The following ALDH7A1 variants were observed in gnomAD, a reference collection of about 807,000 sequenced individuals.
ALDH7A1 encodes aldehyde dehydrogenase 7 family member A1, also known as alpha-aminoadipic semialdehyde dehydrogenase.
A neutral mutation model predicts 79.9 loss-of-function variants in ALDH7A1; 63 were observed. That is an observed-to-expected ratio of 0.79 (90% CI 0.64 to 0.97). The LOEUF (loss-of-function observed/expected upper bound fraction) is 0.97, where lower values mean the gene tolerates loss of function less well. Among genes scored for constraint, ALDH7A1 ranks in the 50% least tolerant of loss-of-function variants. The pLI is 0.00. For synonymous variants in ALDH7A1, 240 were observed against 231.2 expected (o/e 1.04, Z -0.34); for missense variants, 627 against 665.2 (o/e 0.94, Z 0.63).
At chr5:126,575,771 C>G (rs541372209) in intron 6 of ALDH7A1, among the ~76,000 whole-genome samples, 82 of 152,338 alleles carry the variant, frequency 5.4e-4, no homozygotes, top group African/African-American at 1.9e-3. Flanking sequence ...AAGCAGAAAT[C>G]TACCAACGTG....
At position 126,556,881 on chromosome 5, in the gene ALDH7A1, C is replaced by G. The variant is rs377411935; in HGVS notation, c.1009-866G>C. ...GATGAATGAATTGACATTATGAGAACTAGTCATGAAGCAGTCCATAGTAAT... is the reference window on the plus strand; with the variant it reads ...GATGAATGAATTGACATTATGAGAAGTAGTCATGAAGCAGTCCATAGTAAT... On this transcript the variant is annotated intron_variant, in intron 11 of 17. Transcript: ENST00000409134. 5.3e-5 allele frequency among the ~76,000 whole-genome samples: 8 copies of G among 152,282 alleles called. No individual in the cohort carries two copies. The East Asian group carries it at 1.3e-3, about 26-fold the overall frequency.
chr5:126,562,960 G>C lies in ALDH7A1; in HGVS notation c.872-1836C>G, dbSNP rs140118047. On this transcript the variant is annotated intron_variant, in intron 9 of 17. Coordinates refer to ENST00000409134, the MANE Select transcript of ALDH7A1 (RefSeq NM_001182.5). ...TCAATGAAACAGAAAGAAGTAGAAG[G>C]GTGGCTACCAAGGCTGGGTGTAGTG... Among the ~76,000 whole-genome samples the C allele has an allele frequency of 4.1e-4, 63 of 152,248 alleles. 1 individual carries two copies. The highest frequency in any genetic ancestry group is 6.8e-3 in the Middle Eastern group (2 of 294).
rs570858115 is a variant in ALDH7A1 at position 126,560,981 on chromosome 5, T to C, written c.913+102A>G. The C allele has an allele frequency of 4.8e-5, 63 of 1,324,756 alleles. No homozygotes were observed. The African/African-American group carries it at 7.1e-4, about 15-fold the overall frequency. 82.1% of individuals were successfully genotyped at this position (1,324,756 alleles called of 1,614,324 possible). A position where few individuals can be genotyped will look rare whatever the true frequency, so the allele number is the denominator to read the frequency against. On this transcript the variant is annotated intron_variant, in intron 10 of 17. Transcript: ENST00000409134. ...ACACAGGAACTAGGTCTCAGGCATATGCAACATGGACGAAATGAGATCCCA... is the reference window on the plus strand; with the variant it reads ...ACACAGGAACTAGGTCTCAGGCATACGCAACATGGACGAAATGAGATCCCA...
rs6898845 is a variant in ALDH7A1 at position 126,546,682 on chromosome 5, G to A, written c.1490-283C>T. 0.02 allele frequency among the ~76,000 whole-genome samples: 3,043 copies of A among 151,618 alleles called. 117 individuals carry two copies. The highest frequency in any genetic ancestry group is 0.07 in the African/African-American group (2,905 of 41,312). On this transcript the variant is annotated intron_variant, in intron 16 of 17. Transcript: ENST00000409134. ...AAAAAAAAAATCCCATTAGCTGGGC[G>A]TGGTGGTGCATGCCTGTAACCCCAC...
chr5:126,593,368 T>G lies in ALDH7A1; in HGVS notation c.229A>C (p.Ile77Leu), dbSNP rs756379659. 8.1e-6 allele frequency: 13 copies of G among 1,613,122 alleles called. No homozygotes were observed. The highest frequency in any genetic ancestry group is 1.0e-5 in the Non-Finnish European group (12 of 1,179,964). ...ACTCTTACCTGTCGGACTCTTGCTA[T>G]TGGCTCGTTGTTAGCAGGGCAATAG... ...TTYCPANNEP[I>L]ARVRQASVAD... is the part of the protein sequence containing the mutation. The change falls in exon 2 of 18, where the codon ATA becomes CTA. Residue 77 changes from isoleucine (I) to leucine (L), a missense_variant. By Grantham distance (5) the Ile-to-Leu change is conservative. Transcript: ENST00000409134.
intron 5 of ALDH7A1, among the ~76,000 whole-genome samples, chr5:126,579,625 A>G (rs1242784283): frequency 6.6e-6 from 1 of 151,034 alleles, no homozygotes; most frequent in Non-Finnish European, 1.5e-5. Flanking sequence ...AGTTACCCCA[A>G]AGTCTCTACA....
Position 126,582,929 on chromosome 5 carries a change from C to T in ALDH7A1, c.439G>A (p.Val147Ile). 2 of 1,613,894 alleles carry T rather than the reference C, an allele frequency of 1.2e-6. No homozygotes were observed. Among genetic ancestry groups the T allele is most frequent in the South Asian group, 2.2e-5 (2 of 91,070 alleles). ...TCACAGATATCCACATACTCCTGAACTTCACCCACACCTTCCACTAAGATT... is the reference window on the plus strand; with the variant it reads ...TCACAGATATCCACATACTCCTGAATTTCACCCACACCTTCCACTAAGATT... ...GKILVEGVGEVQEYVDICDYA... is the reference protein window; with the variant it reads ...GKILVEGVGEIQEYVDICDYA... Residue 147 changes from valine to isoleucine, a missense_variant, in exon 5 of 18, where the codon GTT becomes ATT. Coordinates refer to ENST00000409134, the MANE Select transcript of ALDH7A1 (RefSeq NM_001182.5).
chr5:126,554,687 G>A (rs758894502), intron 12 of ALDH7A1: 5 of 415,476 alleles, frequency 1.2e-5, no homozygotes, highest in Non-Finnish European at 2.3e-5. Flanking sequence ...GAAACAGGCA[G>A]AGCCAAGTCT....
rs542623398 is a variant in ALDH7A1, at chr5:126,564,763, C to T, written c.871+3496G>A. ...GGTGTTAAGAAGAGAAGGAAGGAAACGGAAGCTTTTACGCCTGACATTAGC... is the reference window on the plus strand; with the variant it reads ...GGTGTTAAGAAGAGAAGGAAGGAAATGGAAGCTTTTACGCCTGACATTAGC... On this transcript the variant is annotated intron_variant, in intron 9 of 17. Coordinates refer to ENST00000409134, the MANE Select transcript of ALDH7A1 (RefSeq NM_001182.5). 1.8e-4 allele frequency among the ~76,000 whole-genome samples: 28 copies of T among 152,188 alleles called. No homozygotes were observed. The South Asian group carries it at 3.5e-3, about 19-fold the overall frequency.
chr5:126,548,398 A>G (rs373034352), intron 16 of ALDH7A1, among the ~76,000 whole-genome samples: 1 of 148,816 alleles, frequency 6.7e-6, no homozygotes, highest in Admixed American at 6.8e-5. Flanking sequence ...AATTACAGGC[A>G]TGAGCCACCA....
rs755077088 is a variant in ALDH7A1, at chr5:126,554,374, T to C, written c.1113A>G (p.Pro371=). ...NPWDPNVLYG[P]LHTKQAVSMF... ...TGCTCACTGCCTGCTTGGTGTGGAG[T>C]GGCCCATAGAGAACATTAGCTGGAG... The change falls in exon 13 of 18, where the codon CCA becomes CCG. Residue 371 remains proline (P), a synonymous_variant. Transcript: ENST00000409134. 1 of 1,614,038 alleles carries C rather than the reference T, an allele frequency of 6.2e-7. No homozygotes were observed. The highest frequency in any genetic ancestry group is 1.1e-5 in the South Asian group (1 of 91,072).
At chr5:126,582,736 T>A in intron 5 of ALDH7A1, 115 bp downstream of exon 5, 1 of 1,207,728 alleles carries the variant, frequency 8.3e-7, no homozygotes, top group South Asian at 1.3e-5. Flanking sequence ...TATTTTCACA[T>A]ATTTATGCCA....
rs151119983 is a variant in ALDH7A1, at chr5:126,584,887, G to A, written c.313-875C>T. 1.1e-4 allele frequency among the ~76,000 whole-genome samples: 16 copies of A among 152,204 alleles called. No individual in the cohort carries two copies. In the East Asian group the frequency reaches 1.9e-3, roughly 18 times the overall value. ...AAACATCAGGTTTTGGGGGTAAAGA[G>A]CACAGCTTATGTCACATAAAGTTTG... is the stretch of plus-strand genomic sequence containing the variant. On this transcript the variant is annotated intron_variant, in intron 3 of 17. Coordinates refer to ENST00000409134, the MANE Select transcript of ALDH7A1 (RefSeq NM_001182.5).
intron 9 of ALDH7A1, among the ~76,000 whole-genome samples, chr5:126,567,369 A>T (rs561314939): frequency 6.0e-4 from 92 of 152,260 alleles, no homozygotes; most frequent in African/African-American, 2.2e-3. Flanking sequence ...AAATAAATTT[A>T]TGTTCAAGTA....
At chr5:126,584,193 G>A (rs1751277878) in intron 3 of ALDH7A1, among the ~76,000 whole-genome samples, 181 bp from the exon 4 acceptor site, 1 of 152,136 alleles carries the variant, frequency 6.6e-6, no homozygotes, top group African/African-American at 2.4e-5. Flanking sequence ...CATTCATGGA[G>A]CAAATATCTA....
In ALDH7A1 at chr5:126,592,742, T is replaced by C; in HGVS notation, c.247-13A>G. ...CTGCCACACTGGCCTAAATTAAGAA[T>C]TAGGGGGACAGAAAGGGGGAAATAA... On this transcript the variant is annotated splice_polypyrimidine_tract_variant and intron_variant, in intron 2 of 17. Transcript: ENST00000409134. 6.2e-7 allele frequency: 1 copy of C among 1,610,802 alleles called. No homozygotes were observed. Among genetic ancestry groups the C allele is most frequent in the Non-Finnish European group, 8.5e-7 (1 of 1,177,270 alleles).
chr5:126,567,458 A>G (rs1750623002), intron 9 of ALDH7A1, among the ~76,000 whole-genome samples: 3 of 152,210 alleles, frequency 2.0e-5, no homozygotes, highest in Admixed American at 6.5e-5. Context: ...ATTTAGAGAG[A>G]AAATGACTTC....
rs751053781 is a variant in ALDH7A1 at position 126,561,114 on chromosome 5, C to A, written c.882G>T (p.Leu294=). 3.1e-6 allele frequency: 5 copies of A among 1,611,910 alleles called. No individual in the cohort carries two copies. Among genetic ancestry groups the A allele is most frequent in the African/African-American group, 2.7e-5 (2 of 74,858 alleles). Reference sequence around the variant, plus strand: ...TGGCATTGTTTCCTCCAAGTTCCAACAGACTTCTCCCTTAAAAGAAAAAAA... The same window carrying A: ...TGGCATTGTTTCCTCCAAGTTCCAAAAGACTTCTCCCTTAAAAGAAAAAAA... ...LMVQERFGRS[L]LELGGNNAII... is the part of the protein sequence containing the mutation. The change falls in exon 10 of 18, where the codon CTG becomes CTT. Residue 294 remains leucine, a synonymous_variant. Coordinates refer to ENST00000409134, the MANE Select transcript of ALDH7A1 (RefSeq NM_001182.5).
chr5:126,568,519 A>T, intron 8 of ALDH7A1, 163 bp from the exon 9 acceptor site: 1 of 668,282 alleles, frequency 1.5e-6, no homozygotes, highest in East Asian at 2.8e-5. Context: ...GAAGGAAAAA[A>T]GTTTTTCACA....
Sources: gnomAD v4.1 joint callset for allele counts (sites outside exome capture counted in the v4.1 genomes callset) on GRCh38, gnomAD v4.1.1 for gene constraint, MANE v1.5 for transcripts, NCBI Gene and HGNC (gene_info 2026-07-23, HGNC 2026-07-21) for gene names.